PTPRQ: variants seen among roughly 807,000 people sequenced by gnomAD.
PTPRQ encodes phosphatidylinositol phosphatase PTPRQ.
In PTPRQ, 199 loss-of-function variants were observed where a neutral mutation model predicts 246.0. The ratio of observed to expected loss-of-function variants is 0.81; its 90% confidence interval spans 0.72 to 0.91. PTPRQ has a LOEUF of 0.91. PTPRQ is among the 40% of genes least tolerant of loss of function. PTPRQ has a pLI of 0.00. For missense variants in PTPRQ, 2,624 were observed against 2,528.4 expected (o/e 1.04, Z -0.81); for synonymous variants, 869 against 853.2 (o/e 1.02, Z -0.32).
At chr12:80,620,077 TA>T (rs1565823069) in intron 31 of PTPRQ, 76 bp from the exon 32 acceptor site, 9 of 1,448,138 alleles carry the variant, frequency 6.2e-6, no homozygotes, top group Non-Finnish European at 8.2e-6. Flanking sequence ...TATACAATTA[TA>T]AAAACACTAT....
Position 80,555,503 on chromosome 12 carries a change from C to A in PTPRQ, c.4285+5769C>A, listed in dbSNP as rs142035176. 2.4e-4 allele frequency among the ~76,000 whole-genome samples: 36 copies of A among 152,240 alleles called. No individual in the cohort carries two copies. The East Asian group carries it at 6.6e-3, about 28-fold the overall frequency. ...TGCACTAAATCAAAAGTTCACTTTT[C>A]CTTTGTATCCTACTTACATAGCTTT... is the stretch of plus-strand genomic sequence containing the variant. On this transcript the variant is annotated intron_variant, in intron 25 of 44. Transcript: ENST00000644991.
At chr12:80,492,437 T>G (rs1017750896) in intron 9 of PTPRQ, among the ~76,000 whole-genome samples, 3 of 152,020 alleles carry the variant, frequency 2.0e-5, no homozygotes, top group African/African-American at 7.2e-5. Flanking sequence ...TTTCTTTGAT[T>G]AATGTGTAGT....
rs1468440474 is a variant in PTPRQ at position 80,480,217 on chromosome 12, T to A, written c.1187-4216T>A. ...TCAAACTAGAACTCAGGATTAAGAA[T>A]CTCACTCAAAACTGCTCAACTTCAT... On this transcript the variant is annotated intron_variant, in intron 8 of 44. Coordinates refer to ENST00000644991, the MANE Select transcript of PTPRQ (RefSeq NM_001145026.2). Among the ~76,000 whole-genome samples the A allele has an allele frequency of 1.8e-3, 275 of 152,020 alleles. 1 individual carries two copies. Among genetic ancestry groups the A allele is most frequent in the African/African-American group, 6.4e-3 (263 of 41,324 alleles).
At chr12:80,567,935 G>C (rs142108319) in intron 25 of PTPRQ, among the ~76,000 whole-genome samples, 2 of 152,228 alleles carry the variant, frequency 1.3e-5, no homozygotes, top group African/African-American at 4.8e-5. Context: ...GCCCTGCGAG[G>C]TGACATAAAA....
chr12:80,533,978 A>C, intron 17 of PTPRQ, 37 bp from the exon 18 acceptor site: 1 of 1,395,278 alleles, frequency 7.2e-7, no homozygotes, highest in Non-Finnish European at 9.4e-7. Flanking sequence ...TTAACTTTTA[A>C]AATTCAATTC....
intron 3 of PTPRQ, among the ~76,000 whole-genome samples, chr12:80,452,967 A>G (rs1424443993): frequency 1.1e-4 from 16 of 152,162 alleles, no homozygotes; most frequent in Non-Finnish European, 1.5e-5. Context: ...GTGTTTTCCA[A>G]CTTGGTTTCA....
At chr12:80,458,365 T>C (rs7294621) in intron 4 of PTPRQ, among the ~76,000 whole-genome samples, 16,104 of 152,090 alleles carry the variant, frequency 0.11, 1,209 homozygotes, top group African/African-American at 0.21. Flanking sequence ...TGTCCTGAAG[T>C]CCCTTAATTC....
intron 25 of PTPRQ, 144 bp downstream of exon 25, chr12:80,549,878 T>A: frequency 8.3e-7 from 1 of 1,207,086 alleles, no homozygotes. Flanking sequence ...TTATCCCACG[T>A]GTTGCTTGAG....
chr12:80,671,436 T>G (rs1275079608), intron 42 of PTPRQ, among the ~76,000 whole-genome samples: 1 of 152,124 alleles, frequency 6.6e-6, no homozygotes, highest in Non-Finnish European at 1.5e-5. Flanking sequence ...AATTTCTCTG[T>G]ATCATGCAAA....
intron 9 of PTPRQ, 146 bp downstream of exon 9, chr12:80,484,751 C>T (rs182319420): frequency 2.3e-6 from 2 of 886,308 alleles, no homozygotes; most frequent in African/African-American, 3.5e-5. Context: ...TGTTGATAAT[C>T]TAGCTAGATC....
At chr12:80,634,871 A>G in intron 34 of PTPRQ, 74 bp from the exon 35 acceptor site, 2 of 1,509,248 alleles carry the variant, frequency 1.3e-6, no homozygotes, top group Non-Finnish European at 1.8e-6. Context: ...GTCTTTACTT[A>G]AAAAGAAAAC....
intron 25 of PTPRQ, among the ~76,000 whole-genome samples, chr12:80,554,428 T>A (rs957264455): frequency 1.3e-5 from 2 of 152,226 alleles, no homozygotes; most frequent in Non-Finnish European, 2.9e-5. Context: ...TATTTGGTTT[T>A]AAAAACTTGG....
intron 6 of PTPRQ, among the ~76,000 whole-genome samples, chr12:80,468,041 G>C (rs905919237): frequency 6.7e-6 from 1 of 148,820 alleles, no homozygotes; most frequent in African/African-American, 2.6e-5. Flanking sequence ...GATTTCATAA[G>C]GGTCATACAA....
In PTPRQ at chr12:80,496,500, T is replaced by G. The variant is rs1171260434; in HGVS notation, c.2241T>G (p.Ser747=). ...YTRFGHGNQV[S]SLLSVRTSET... The stretch of plus-strand genomic sequence containing the variant: ...GATTTGGTCATGGCAATCAGGTATC[T>G]TCTTTACTCTCTGTAAGGACTTCGG... Residue 747 remains serine (S), a synonymous_variant, in exon 14 of 45, where the codon TCT becomes TCG. Coordinates refer to ENST00000644991, the MANE Select transcript of PTPRQ (RefSeq NM_001145026.2). 1.2e-5 allele frequency: 18 copies of G among 1,549,192 alleles called. No individual in the cohort carries two copies. The highest frequency in any genetic ancestry group is 1.6e-5 in the Non-Finnish European group (18 of 1,146,142).
chr12:80,669,266 C>A (rs955516058), intron 40 of PTPRQ, 73 bp from the exon 41 acceptor site: 1 of 1,529,728 alleles, frequency 6.5e-7, no homozygotes, highest in South Asian at 1.3e-5. Flanking sequence ...TTAACTTAGT[C>A]GTAATAACTG....
chr12:80,631,907 G>T (rs1343306835), intron 33 of PTPRQ, among the ~76,000 whole-genome samples: 1 of 152,102 alleles, frequency 6.6e-6, no homozygotes, highest in African/African-American at 2.4e-5. Flanking sequence ...TCTGAAGTCT[G>T]GTGGATAAAA....
intron 35 of PTPRQ, among the ~76,000 whole-genome samples, chr12:80,639,683 T>G (rs963627856): frequency 3.3e-5 from 5 of 152,224 alleles, no homozygotes; most frequent in African/African-American, 1.2e-4. Flanking sequence ...TTAAAAAAAT[T>G]CTACATATGT....
At chr12:80,673,079 T>G in intron 42 of PTPRQ, 90 bp from the exon 43 acceptor site, 1 of 1,469,640 alleles carries the variant, frequency 6.8e-7, no homozygotes. Context: ...ACTATTAGAA[T>G]TTATTGCTAT....
intron 17 of PTPRQ, among the ~76,000 whole-genome samples, chr12:80,520,446 G>T (rs532181852): frequency 5.9e-5 from 9 of 151,962 alleles, no homozygotes; most frequent in East Asian, 3.9e-4. Context: ...TGCCATGTTG[G>T]TGTGCTGTAC....
Sources: gnomAD v4.1 joint callset for allele counts (sites outside exome capture counted in the v4.1 genomes callset) on GRCh38, gnomAD v4.1.1 for gene constraint, MANE v1.5 for transcripts, NCBI Gene and HGNC (gene_info 2026-07-23, HGNC 2026-07-21) for gene names.